The following SNX29 variants were observed in gnomAD, a reference collection of about 807,000 sequenced individuals.
SNX29 encodes the protein sorting nexin 29, also known as sorting nexin-29.
A neutral mutation model predicts 102.1 loss-of-function variants in SNX29; 78 were observed. The observed-to-expected ratio is 0.76, with a 90% confidence interval of 0.64 to 0.92. The LOEUF is 0.92. Among genes scored for constraint, SNX29 ranks in the 40% least tolerant of loss-of-function variants. The pLI is 0.00. For missense variants in SNX29, 1,280 were observed against 1,061.7 expected, an observed-to-expected ratio of 1.21 and a Z score of -2.86; for synonymous variants, 580 against 414.5, an observed-to-expected ratio of 1.40 and a Z score of -4.85.
intron 14 of SNX29, among the ~76,000 whole-genome samples, chr16:12,201,644 G>A (rs2076917522): frequency 6.6e-6 from 1 of 152,198 alleles, no homozygotes; most frequent in Non-Finnish European, 1.5e-5. Context: ...CCAGGACACT[G>A]CCGCTGGGAG....
chr16:12,465,236 T>A (rs1368843790), intron 18 of SNX29, among the ~76,000 whole-genome samples: 4 of 151,942 alleles, frequency 2.6e-5, no homozygotes, highest in Non-Finnish European at 5.9e-5. Flanking sequence ...GTCCAACTTA[T>A]TTTGTTTTTG....
At chr16:12,261,803 C>T (rs2078777354) in intron 14 of SNX29, among the ~76,000 whole-genome samples, 1 of 120,026 alleles carries the variant, frequency 8.3e-6, no homozygotes, top group Admixed American at 9.3e-5. Flanking sequence ...CGGGTCTGTG[C>T]ACGTGTCCCC....
intron 19 of SNX29, among the ~76,000 whole-genome samples, chr16:12,508,422 C>G (rs1377044658): frequency 6.6e-6 from 1 of 152,148 alleles, no homozygotes; most frequent in South Asian, 2.1e-4. Flanking sequence ...TTTTGATGGC[C>G]CATTGATTTC....
At position 12,460,224 on chromosome 16, in the gene SNX29, C is replaced by T. The variant is rs80037487; in HGVS notation, c.2038-17495C>T. On this transcript the variant is annotated intron_variant, in intron 18 of 20. Coordinates refer to ENST00000566228, the MANE Select transcript of SNX29 (RefSeq NM_032167.5). ...AACCACGGCTCGCAGCCAGACGCAG[C>T]CGAACAGGCCTAGTGCGGCTGAAAC... Among the ~76,000 whole-genome samples the T allele has an allele frequency of 1.5e-3, 232 of 152,316 alleles. 8 individuals are homozygous for T. In the East Asian group the frequency reaches 0.041, roughly 27 times the overall value.
intron 19 of SNX29, among the ~76,000 whole-genome samples, chr16:12,497,792 G>C (rs1303077633): frequency 6.6e-6 from 1 of 152,186 alleles, no homozygotes; most frequent in Non-Finnish European, 1.5e-5. Flanking sequence ...GGCAGAAAGA[G>C]CATATTGTTT....
rs185432756 is a variant in SNX29, at chr16:12,325,591, A to T, written c.1783-30572A>T. Among the ~76,000 whole-genome samples, 14 of 152,334 alleles carry T rather than the reference A, an allele frequency of 9.2e-5. No individual in the cohort carries two copies. In the East Asian group the frequency reaches 2.7e-3, roughly 29 times the overall value. ...TCAGGTAGTGAAGCAGATAAAATGC[A>T]TTAATTAAATATTTGGAAGCACTTT... On this transcript the variant is annotated intron_variant, in intron 15 of 20. Coordinates refer to ENST00000566228, the MANE Select transcript of SNX29 (RefSeq NM_032167.5).
chr16:12,398,210 C>A (rs1384302860), intron 16 of SNX29, among the ~76,000 whole-genome samples: 1 of 152,106 alleles, frequency 6.6e-6, no homozygotes, highest in African/African-American at 2.4e-5. Context: ...GATTAACAGT[C>A]CCTTGGCCAT....
chr16:12,111,004 T>C (rs1050609107), intron 11 of SNX29, among the ~76,000 whole-genome samples: 1 of 152,068 alleles, frequency 6.6e-6, no homozygotes, highest in African/African-American at 2.4e-5. Flanking sequence ...TTTGTAAAGA[T>C]AGGGTCTGTA....
At position 12,572,618 on chromosome 16, in the gene SNX29, C is replaced by A. The variant is rs1375824742; in HGVS notation, c.*3989C>A. 12 of 1,063,742 alleles carry A rather than the reference C, an allele frequency of 1.1e-5. No homozygotes were observed. The highest frequency in any genetic ancestry group is 1.4e-5 in the Non-Finnish European group (12 of 878,360). 65.9% of individuals were successfully genotyped at this position (1,063,742 alleles called of 1,614,324 possible). A position where few individuals can be genotyped will look rare whatever the true frequency, so the allele number is the denominator to read the frequency against. Reference sequence around the variant, plus strand: ...GTGAGCCCCCTCCCCTCCGGCTACCCCCAGAATCCATCCTTCATTCCTCCA... The same window carrying A: ...GTGAGCCCCCTCCCCTCCGGCTACCACCAGAATCCATCCTTCATTCCTCCA... On this transcript the variant is annotated 3_prime_UTR_variant, in exon 21 of 21. Coordinates refer to ENST00000566228, the MANE Select transcript of SNX29 (RefSeq NM_032167.5).
chr16:12,206,958 ACT>A lies in SNX29; in HGVS notation c.1678+7280_1678+7281del, dbSNP rs201450089. 4.6e-3 allele frequency among the ~76,000 whole-genome samples: 699 copies of A among 151,990 alleles called. 3 individuals carry two copies. The highest frequency in any genetic ancestry group is 7.1e-3 in the Non-Finnish European group (483 of 67,980). ...GCAAATATGCTACAAATGTGCTGAC[ACT>A]CTCTGATTCTTGGCCAGTAGCTGAC... is the stretch of plus-strand genomic sequence containing the variant. On this transcript the variant is annotated intron_variant, in intron 14 of 20. Transcript: ENST00000566228.
chr16:12,524,587 C>A (rs778381176), intron 19 of SNX29, 115 bp from the exon 20 acceptor site: 2 of 1,220,952 alleles, frequency 1.6e-6, no homozygotes, highest in Admixed American at 2.9e-5. Context: ...GAGATAGTTG[C>A]TCAATCAGTG....
chr16:12,553,644 G>A (rs895343433), intron 20 of SNX29, among the ~76,000 whole-genome samples: 1 of 145,152 alleles, frequency 6.9e-6, no homozygotes, highest in Non-Finnish European at 1.5e-5. Context: ...AGGCTGGAGT[G>A]CAATGACGTG....
intron 14 of SNX29, among the ~76,000 whole-genome samples, chr16:12,277,260 G>A (rs1298126478): frequency 6.6e-6 from 1 of 152,066 alleles, no homozygotes; most frequent in Non-Finnish European, 1.5e-5. Flanking sequence ...CTAGCCTGCT[G>A]CAGCAGGGTT....
chr16:12,499,113 A>G (rs1160169708), intron 19 of SNX29, among the ~76,000 whole-genome samples: 1 of 152,062 alleles, frequency 6.6e-6, no homozygotes, highest in East Asian at 1.9e-4. Context: ...CTCCTCCTGC[A>G]GTGGGAAATC....
intron 9 of SNX29, among the ~76,000 whole-genome samples, chr16:12,062,195 A>T (rs1463473065): frequency 1.3e-5 from 2 of 152,050 alleles, no homozygotes; most frequent in African/African-American, 4.8e-5. Context: ...CCTGGCCAAC[A>T]TGGTGAAGCC....
chr16:12,303,326 A>C (rs1294618122), intron 15 of SNX29, among the ~76,000 whole-genome samples: 1 of 152,234 alleles, frequency 6.6e-6, no homozygotes. Context: ...ATGGCAAAAC[A>C]TTCCACACAA....
At chr16:12,356,436 G>T (rs1477659052) in intron 16 of SNX29, among the ~76,000 whole-genome samples, 157 bp downstream of exon 16, 2 of 152,174 alleles carry the variant, frequency 1.3e-5, no homozygotes, top group Non-Finnish European at 2.9e-5. Context: ...TTTATGGGGA[G>T]GGGGTAGAAT....
chr16:12,397,522 C>A (rs2151489904), intron 16 of SNX29, among the ~76,000 whole-genome samples: 1 of 152,248 alleles, frequency 6.6e-6, no homozygotes, highest in South Asian at 2.1e-4. Flanking sequence ...GGTGTAAATT[C>A]AGTGTTCTCT....
intron 18 of SNX29, among the ~76,000 whole-genome samples, chr16:12,441,328 T>A (rs2085799602): frequency 6.6e-6 from 1 of 152,078 alleles, no homozygotes; most frequent in South Asian, 2.1e-4. Context: ...GACCTTGTGA[T>A]CCACCCACCT....
Sources: allele counts gnomAD v4.1 joint callset (sites outside exome capture counted in the v4.1 genomes callset), GRCh38; gene constraint gnomAD v4.1.1; transcripts MANE v1.5; gene names NCBI Gene and HGNC (gene_info 2026-07-23, HGNC 2026-07-21).